HTR1F: variants seen among roughly 807,000 people sequenced by gnomAD.
The protein encoded by HTR1F is 5-hydroxytryptamine (serotonin) receptor 1F, G protein-coupled.
A neutral mutation model predicts 24.0 loss-of-function variants in HTR1F; 17 were observed. The ratio of observed to expected loss-of-function variants is 0.71; its 90% CI spans 0.48 to 1.06. HTR1F has a LOEUF of 1.06. Among genes scored for constraint, HTR1F ranks in the 50% least tolerant of loss-of-function variants. The pLI is 0.00. For missense variants in HTR1F, 391 were observed against 427.8 expected, an observed-to-expected ratio of 0.91 and a Z score of 0.76; for synonymous variants, 186 against 156.8, an observed-to-expected ratio of 1.19 and a Z score of -1.39.
chr3:87,886,862 G>A (rs1705959017), intron 2 of HTR1F, among the ~76,000 whole-genome samples: 1 of 152,184 alleles, frequency 6.6e-6, no homozygotes, highest in African/African-American at 2.4e-5. Flanking sequence ...CATGCTCATG[G>A]ATAGGAAGAA....
chr3:87,923,434 T>C (rs1174853538), intron 2 of HTR1F, among the ~76,000 whole-genome samples: 2 of 152,032 alleles, frequency 1.3e-5, no homozygotes, highest in African/African-American at 4.8e-5. Flanking sequence ...CAGTGTTTCA[T>C]AGTTTTTATC....
rs1287380524 is a variant in HTR1F, at chr3:87,992,846, T to C, written c.*996T>C. ...TTTACTAGACAGAATATAATGGAAA[T>C]TTTTAGAACTTTCCCTTTACTTTAA... On this transcript the variant is annotated 3_prime_UTR_variant, in exon 3 of 3. Transcript: ENST00000319595. 1 of 166,942 alleles carries C rather than the reference T, an allele frequency of 6.0e-6. No individual in the cohort carries two copies. The highest frequency in any genetic ancestry group is 2.4e-5 in the African/African-American group (1 of 41,462). The allele number at this position is 166,942 out of a possible 1,614,324, so 10.3% of individuals were successfully genotyped here. A position where few individuals can be genotyped will look rare whatever the true frequency, so the allele number is the denominator to read the frequency against.
intron 2 of HTR1F, among the ~76,000 whole-genome samples, chr3:87,846,594 A>G (rs1704950429): frequency 6.6e-6 from 1 of 152,032 alleles, no homozygotes; most frequent in African/African-American, 2.4e-5. Context: ...CAGCATTTCA[A>G]TTTTTTTGTT....
chr3:87,901,546 C>A (rs1354326837), intron 2 of HTR1F, among the ~76,000 whole-genome samples: 2 of 152,096 alleles, frequency 1.3e-5, no homozygotes, highest in South Asian at 2.1e-4. Context: ...ATTTTCTAGA[C>A]TTCTTAAGGG....
At chr3:87,944,169 T>C (rs776467017) in intron 2 of HTR1F, among the ~76,000 whole-genome samples, 17 of 152,190 alleles carry the variant, frequency 1.1e-4, no homozygotes, top group Non-Finnish European at 1.6e-4. Context: ...CCTTTACTAG[T>C]GTGCCCAACA....
chr3:87,968,570 A>G (rs1705217065), intron 2 of HTR1F, among the ~76,000 whole-genome samples: 1 of 152,098 alleles, frequency 6.6e-6, no homozygotes, highest in Non-Finnish European at 1.5e-5. Flanking sequence ...TGTTAAAAGG[A>G]TTCAGTTTTA....
intron 2 of HTR1F, among the ~76,000 whole-genome samples, chr3:87,917,987 C>G (rs1355285999): frequency 3.3e-5 from 5 of 152,014 alleles, no homozygotes; most frequent in Non-Finnish European, 4.4e-5. Context: ...TACTGTCTAA[C>G]GAATCCAACA....
intron 2 of HTR1F, among the ~76,000 whole-genome samples, chr3:87,914,436 G>A (rs1457139551): frequency 2.0e-5 from 3 of 152,056 alleles, no homozygotes; most frequent in African/African-American, 7.2e-5. Flanking sequence ...AGCTGAGGTG[G>A]GTATCCTGGG....
At chr3:87,921,016 C>G (rs950350635) in intron 2 of HTR1F, among the ~76,000 whole-genome samples, 4 of 151,960 alleles carry the variant, frequency 2.6e-5, no homozygotes, top group African/African-American at 9.7e-5. Context: ...AAGCTCAATA[C>G]TTGGTCTTTA....
intron 2 of HTR1F, among the ~76,000 whole-genome samples, chr3:87,928,993 G>A (rs1256440387): frequency 6.6e-6 from 1 of 152,190 alleles, no homozygotes; most frequent in Non-Finnish European, 1.5e-5. Flanking sequence ...AGAAGGTAGT[G>A]TGTTAGTTTG....
intron 2 of HTR1F, among the ~76,000 whole-genome samples, chr3:87,931,932 T>A (rs1413427817): frequency 6.6e-6 from 1 of 152,118 alleles, no homozygotes; most frequent in Non-Finnish European, 1.5e-5. Context: ...TCATTGTAGA[T>A]TCTGGATATT....
intron 2 of HTR1F, among the ~76,000 whole-genome samples, chr3:87,915,955 C>T (rs1703882477): frequency 6.6e-6 from 1 of 152,042 alleles, no homozygotes; most frequent in South Asian, 2.1e-4. Flanking sequence ...AGCTGTGAGA[C>T]AAAAGCATCA....
chr3:87,897,303 G>A (rs1032274252), intron 2 of HTR1F, among the ~76,000 whole-genome samples: 4 of 150,368 alleles, frequency 2.7e-5, no homozygotes, highest in African/African-American at 9.8e-5. Context: ...AACATGGATA[G>A]ACATAAAAAA....
In HTR1F at chr3:87,993,530, T is replaced by C. The variant is rs1328228109; in HGVS notation, c.*1680T>C. ...AGAAATATTTCACAAAGAATGTATC[T>C]AGAACACATGTCAAATACACAGCAC... is the stretch of plus-strand genomic sequence containing the variant. On this transcript the variant is annotated 3_prime_UTR_variant, in exon 3 of 3. Coordinates refer to ENST00000319595, the MANE Select transcript of HTR1F (RefSeq NM_001322209.2). 4 of 166,994 alleles carry C rather than the reference T, an allele frequency of 2.4e-5. No homozygotes were observed. The allele number at this position is 166,994 out of a possible 1,614,324, so 10.3% of individuals were successfully genotyped here.
At chr3:87,911,057 A>G (rs1178977566) in intron 2 of HTR1F, among the ~76,000 whole-genome samples, 1 of 152,084 alleles carries the variant, frequency 6.6e-6, no homozygotes, top group Non-Finnish European at 1.5e-5. Context: ...GATCACGACT[A>G]AAAGAACTAG....
intron 2 of HTR1F, among the ~76,000 whole-genome samples, chr3:87,896,800 C>T (rs1276379306): frequency 6.6e-6 from 1 of 151,978 alleles, no homozygotes; most frequent in Non-Finnish European, 1.5e-5. Context: ...GGAAAATGGC[C>T]AGCAGGTATG....
intron 2 of HTR1F, among the ~76,000 whole-genome samples, chr3:87,909,386 C>T (rs994831504): frequency 6.6e-6 from 1 of 152,020 alleles, no homozygotes; most frequent in Non-Finnish European, 1.5e-5. Flanking sequence ...TTCATGACCA[C>T]ATACACTTCC....
chr3:87,920,255 G>T (rs1366186656), intron 2 of HTR1F, among the ~76,000 whole-genome samples: 2 of 151,804 alleles, frequency 1.3e-5, no homozygotes, highest in Non-Finnish European at 2.9e-5. Flanking sequence ...CAGGGGAAAG[G>T]GTGGGAAGGG....
rs890396185 is a variant in HTR1F, at chr3:87,934,567, T to C, written c.-42-56141T>C. Among the ~76,000 whole-genome samples, 8 of 152,330 alleles carry C rather than the reference T, an allele frequency of 5.3e-5. No homozygotes were observed. The South Asian group carries it at 1.2e-3, about 24-fold the overall frequency. On this transcript the variant is annotated intron_variant, in intron 2 of 2. Coordinates refer to ENST00000319595, the MANE Select transcript of HTR1F (RefSeq NM_001322209.2). ...TATTCTAAGGTGCTATTTAGGGTCA[T>C]GCAGAAACTATCTTCAGTGGGACTT... is the stretch of plus-strand genomic sequence containing the variant.
Sources: gnomAD v4.1 joint callset for allele counts (sites outside exome capture counted in the v4.1 genomes callset) on GRCh38, gnomAD v4.1.1 for gene constraint, MANE v1.5 for transcripts, NCBI Gene and HGNC (gene_info 2026-07-23, HGNC 2026-07-21) for gene names.